The following ARHGAP42 variants were observed in gnomAD, a reference collection of about 807,000 sequenced individuals.
ARHGAP42 encodes the protein Rho GTPase activating protein 42.
ARHGAP42 carries 63 observed loss-of-function variants against 125.0 expected under a neutral mutation model. That is an observed-to-expected ratio of 0.50 (90% CI 0.41 to 0.62). The LOEUF is 0.62. Ranked by LOEUF, ARHGAP42 falls within the 20% of genes least tolerant of loss-of-function variation. ARHGAP42 has a pLI of 0.00. For synonymous variants in ARHGAP42, 339 were observed against 351.0 expected (o/e 0.97, Z 0.38); for missense variants, 766 against 1,024.2 (o/e 0.75, Z 3.44).
chr11:100,791,252 C>T (rs1252452158), intron 2 of ARHGAP42, among the ~76,000 whole-genome samples: 1 of 152,160 alleles, frequency 6.6e-6, no homozygotes, highest in Admixed American at 6.6e-5. Flanking sequence ...TCAGAGGTTT[C>T]TGTTAGACTT....
intron 1 of ARHGAP42, among the ~76,000 whole-genome samples, chr11:100,714,834 C>T (rs1248150883): frequency 6.6e-6 from 1 of 151,652 alleles, no homozygotes; most frequent in East Asian, 1.9e-4. Flanking sequence ...GTTCGAGAGC[C>T]GAGGAGTTCA....
intron 6 of ARHGAP42, among the ~76,000 whole-genome samples, chr11:100,923,689 A>G (rs958699300): frequency 1.6e-4 from 25 of 152,132 alleles, no homozygotes; most frequent in Admixed American, 7.9e-4. Context: ...CGAAGCTATG[A>G]TGTCCTGTTA....
intron 1 of ARHGAP42, among the ~76,000 whole-genome samples, chr11:100,736,621 C>G (rs145260322): frequency 1.5e-4 from 23 of 152,302 alleles, no homozygotes; most frequent in African/African-American, 5.1e-4. Flanking sequence ...TCAAACAATA[C>G]TCTGGTAGCA....
chr11:100,832,080 G>A (rs188467441), intron 3 of ARHGAP42, among the ~76,000 whole-genome samples: 300 of 152,352 alleles, frequency 2.0e-3, no homozygotes, highest in African/African-American at 6.8e-3. Flanking sequence ...GTGGCTCTAT[G>A]TCTATCAGAT....
At chr11:100,809,316 G>A (rs951529728) in intron 3 of ARHGAP42, among the ~76,000 whole-genome samples, 3 of 152,158 alleles carry the variant, frequency 2.0e-5, no homozygotes, top group Non-Finnish European at 4.4e-5. Flanking sequence ...ACTTAAAGAC[G>A]CTTGACCAAT....
At chr11:100,784,018 G>A (rs1199904215) in intron 2 of ARHGAP42, among the ~76,000 whole-genome samples, 1 of 151,680 alleles carries the variant, frequency 6.6e-6, no homozygotes, top group East Asian at 2.0e-4. Context: ...AGGACAAAAT[G>A]CTGTGAGAGT....
intron 2 of ARHGAP42, among the ~76,000 whole-genome samples, chr11:100,770,909 C>T (rs1242832037): frequency 1.3e-5 from 2 of 151,980 alleles, no homozygotes; most frequent in Non-Finnish European, 2.9e-5. Context: ...GTTTTTAAAT[C>T]GAAGCTCTGT....
intron 3 of ARHGAP42, among the ~76,000 whole-genome samples, chr11:100,837,925 G>GA (rs1283941556): frequency 1.4e-4 from 1 of 6,922 alleles, no homozygotes; most frequent in Non-Finnish European, 2.5e-4. Context: ...AGTCTAACAG[G>GA]TTTTTATTTT....
At chr11:100,842,777 A>G (rs781530422) in intron 3 of ARHGAP42, among the ~76,000 whole-genome samples, 6 of 152,188 alleles carry the variant, frequency 3.9e-5, no homozygotes, top group Non-Finnish European at 8.8e-5. Flanking sequence ...CTGAACAACA[A>G]TAGTGACACA....
At position 100,992,346 on chromosome 11, in the gene ARHGAP42, TCTC is replaced by T. The variant is rs1161847106; in HGVS notation, c.*3548_*3550del. 2.5e-6 allele frequency: 4 copies of T among 1,611,636 alleles called. No homozygotes were observed. Among genetic ancestry groups the T allele is most frequent in the Non-Finnish European group, 3.4e-6 (4 of 1,179,076 alleles). ...CACTGCGTAGGACCCGGAAATCACA[TCTC>T]CTGGTCAGGTCACGAAAAAGAACAC... On this transcript the variant is annotated 3_prime_UTR_variant, in exon 24 of 24. Coordinates refer to ENST00000298815, the MANE Select transcript of ARHGAP42 (RefSeq NM_152432.4).
intron 3 of ARHGAP42, among the ~76,000 whole-genome samples, chr11:100,844,643 T>C (rs1345736536): frequency 3.3e-5 from 5 of 151,472 alleles, no homozygotes; most frequent in Admixed American, 1.3e-4. Context: ...AGGACAGGAA[T>C]AGACAATTCT....
At chr11:100,832,344 A>G (rs1240662854) in intron 3 of ARHGAP42, among the ~76,000 whole-genome samples, 1 of 152,224 alleles carries the variant, frequency 6.6e-6, no homozygotes, top group Non-Finnish European at 1.5e-5. Flanking sequence ...ACATGCAAAG[A>G]ATCTGGATCT....
At chr11:100,690,822 G>A (rs1591108763) in intron 1 of ARHGAP42, among the ~76,000 whole-genome samples, 1 of 151,946 alleles carries the variant, frequency 6.6e-6, no homozygotes, top group Admixed American at 6.6e-5. Context: ...GGATGATCTC[G>A]ATCTCCTGAC....
chr11:100,882,671 G>T lies in ARHGAP42; in HGVS notation c.384+23046G>T, dbSNP rs180835653. Among the ~76,000 whole-genome samples, 1,233 of 152,060 alleles carry T rather than the reference G, an allele frequency of 8.1e-3. 8 individuals are homozygous for T. Among genetic ancestry groups the T allele is most frequent in the Non-Finnish European group, 0.012 (849 of 67,968 alleles). On this transcript the variant is annotated intron_variant, in intron 4 of 23. Coordinates refer to ENST00000298815, the MANE Select transcript of ARHGAP42 (RefSeq NM_152432.4). ...CTTGTGGAATAGTGTCAATAGGATT[G>T]GTACCAATCCTTCTTTGAATGCCTG...
At chr11:100,806,900 T>C (rs1864009299) in intron 3 of ARHGAP42, among the ~76,000 whole-genome samples, 1 of 152,042 alleles carries the variant, frequency 6.6e-6, no homozygotes, top group South Asian at 2.1e-4. Context: ...CAGGCTGGAG[T>C]GCGTTGGCAC....
At chr11:100,807,355 CT>C (rs1243168583) in intron 3 of ARHGAP42, among the ~76,000 whole-genome samples, 1 of 152,032 alleles carries the variant, frequency 6.6e-6, no homozygotes, top group Admixed American at 6.6e-5. Context: ...ATCAACATGT[CT>C]GGCCAATTTT....
At chr11:100,736,320 A>G (rs1210236982) in intron 1 of ARHGAP42, among the ~76,000 whole-genome samples, 7 of 152,184 alleles carry the variant, frequency 4.6e-5, no homozygotes, top group Non-Finnish European at 1.0e-4. Flanking sequence ...ATATGGATGC[A>G]TGCCGGGGGC....
chr11:100,946,211 G>T (rs1055248239), intron 10 of ARHGAP42, among the ~76,000 whole-genome samples: 1 of 152,006 alleles, frequency 6.6e-6, no homozygotes, highest in African/African-American at 2.4e-5. Context: ...ATTGAAGACA[G>T]TCAGGGCCTT....
chr11:100,922,609 A>C (rs1940222), intron 6 of ARHGAP42, among the ~76,000 whole-genome samples: 13,943 of 152,284 alleles, frequency 0.092, 913 homozygotes, highest in Non-Finnish European at 0.13. Flanking sequence ...ATCCATTCAT[A>C]ATAAAAAATA....
Sources: gnomAD v4.1 joint callset for allele counts (sites outside exome capture counted in the v4.1 genomes callset) on GRCh38, gnomAD v4.1.1 for gene constraint, MANE v1.5 for transcripts, NCBI Gene and HGNC (gene_info 2026-07-23, HGNC 2026-07-21) for gene names.